PTCHD1: variants seen among roughly 807,000 people sequenced by gnomAD.
The protein encoded by PTCHD1 is patched domain containing 1, also known as patched domain-containing protein 1.
In PTCHD1, 3 loss-of-function variants were observed where a neutral mutation model predicts 34.6. That is an observed-to-expected ratio of 0.09 (90% CI 0.04 to 0.22). PTCHD1 has a LOEUF of 0.22. Ranked by LOEUF, PTCHD1 falls within the 10% of genes least tolerant of loss-of-function variation. PTCHD1 has a pLI of 1.00. For synonymous variants in PTCHD1, 305 were observed against 283.1 expected, an observed-to-expected ratio of 1.08 and a Z score of -0.77; for missense variants, 504 against 685.5, an observed-to-expected ratio of 0.74 and a Z score of 2.96.
chrX:23,342,572 C>A (rs890817262), intron 1 of PTCHD1, among the ~76,000 whole-genome samples: 2 of 109,748 alleles, frequency 1.8e-5, no homozygotes, highest in South Asian at 7.9e-4. Context: ...TAAGAATCAT[C>A]CAGCATAGCT....
At chrX:23,391,064 C>T (rs944359197) in intron 2 of PTCHD1, among the ~76,000 whole-genome samples, 1 of 111,597 alleles carries the variant, frequency 9.0e-6, no homozygotes, top group African/African-American at 3.3e-5. Context: ...GGCCTGGAAA[C>T]ACAGGGACTC....
Position 23,396,304 on chromosome X carries a change from G to C in PTCHD1, c.*2119G>C, listed in dbSNP as rs1018044793. On this transcript the variant is annotated 3_prime_UTR_variant, in exon 3 of 3. Transcript: ENST00000379361. The stretch of plus-strand genomic sequence containing the variant: ...TATACACTCAACTAGAAGATAATAA[G>C]CTTTAATCTGAGGGCAAGTACAGTC... The C allele has an allele frequency of 2.7e-5, 3 of 111,947 alleles. No homozygotes were observed. Among genetic ancestry groups the C allele is most frequent in the Non-Finnish European group, 5.6e-5 (3 of 53,171 alleles). The allele number at this position is 111,947 out of a possible 1,213,427, so 9.2% of individuals were successfully genotyped here. A position where few individuals can be genotyped will look rare whatever the true frequency, so the allele number is the denominator to read the frequency against.
intron 1 of PTCHD1, among the ~76,000 whole-genome samples, chrX:23,339,547 T>C (rs1921254809): frequency 8.9e-6 from 1 of 112,471 alleles, no homozygotes; most frequent in Non-Finnish European, 1.9e-5. Context: ...GCAAACAAGG[T>C]TAATAAAATC....
intron 2 of PTCHD1, among the ~76,000 whole-genome samples, chrX:23,380,507 ATTAATCTTCTCCTTGTCC>A (rs1273967155): frequency 1.8e-5 from 2 of 111,455 alleles, no homozygotes; most frequent in Non-Finnish European, 3.8e-5. Flanking sequence ...TCTAGCAGGT[ATTAATCTTCTCCTTGTCC>A]CAGTGTCTTA....
chrX:23,367,838 C>T (rs1305067291), intron 1 of PTCHD1, among the ~76,000 whole-genome samples: 2 of 111,715 alleles, frequency 1.8e-5, no homozygotes, highest in African/African-American at 6.5e-5. Context: ...CTCAGGTCGG[C>T]TGTGAGGCAT....
Position 23,386,963 on chromosome X carries a change from T to A in PTCHD1, c.1013-5568T>A, listed in dbSNP as rs755729437. The stretch of plus-strand genomic sequence containing the variant: ...CCTGCTAGTGTGGAGAGGTTTAAAA[T>A]GTGAGTAGCACCCAGCGGCATCTCT... On this transcript the variant is annotated intron_variant, in intron 2 of 2. Transcript: ENST00000379361. Among the ~76,000 whole-genome samples, 8 of 112,278 alleles carry A rather than the reference T, an allele frequency of 7.1e-5. No homozygotes were observed. The Admixed American group carries it at 7.6e-4, about 11-fold the overall frequency.
At chrX:23,378,441 C>T (rs753517935) in intron 1 of PTCHD1, among the ~76,000 whole-genome samples, 1 of 112,324 alleles carries the variant, frequency 8.9e-6, no homozygotes, top group Non-Finnish European at 1.9e-5. Context: ...CAGTAGATTA[C>T]ACATACTCGT....
intron 1 of PTCHD1, among the ~76,000 whole-genome samples, chrX:23,355,063 G>C (rs1266396653): frequency 1.8e-5 from 2 of 109,347 alleles, no homozygotes; most frequent in Non-Finnish European, 3.8e-5. Flanking sequence ...CCAGCCAATT[G>C]CTGCGACAGG....
intron 1 of PTCHD1, among the ~76,000 whole-genome samples, chrX:23,337,661 T>TAACA (rs976164817): frequency 2.7e-5 from 3 of 111,545 alleles, no homozygotes; most frequent in African/African-American, 9.8e-5. Context: ...CATTGACAGT[T>TAACA]AACACTACAC....
chrX:23,387,692 C>T (rs996858384), intron 2 of PTCHD1, among the ~76,000 whole-genome samples: 1 of 111,849 alleles, frequency 8.9e-6, no homozygotes, highest in African/African-American at 3.3e-5. Flanking sequence ...AGAGTATTCA[C>T]TCACGAATAA....
intron 1 of PTCHD1, among the ~76,000 whole-genome samples, chrX:23,340,571 C>A (rs1468278675): frequency 1.8e-5 from 2 of 112,472 alleles, no homozygotes; most frequent in African/African-American, 6.5e-5. Flanking sequence ...GAGCAGCGAC[C>A]TGAGGAGGCA....
upstream of PTCHD1, chrX:23,334,780 G>GCGC (rs1555909518): frequency 1.8e-4 from 47 of 266,360 alleles, no homozygotes; most frequent in East Asian, 3.0e-4. Context: ...GCCGCCGCGG[G>GCGC]CGCCGCTGCC....
chrX:23,393,031 G>A lies in PTCHD1; in HGVS notation c.1513G>A (p.Val505Ile). Reference protein sequence around the residue: ...ITNTYVKPFVVLFYLIYISFA... With the variant: ...ITNTYVKPFVILFYLIYISFA... ...CAACACCTATGTCAAGCCTTTTGTA[G>A]TTCTCTTTTACCTTATTTATATTTC... Residue 505 changes from valine to isoleucine, a missense_variant, in exon 3 of 3, where the codon GTT becomes ATT. Coordinates refer to ENST00000379361, the MANE Select transcript of PTCHD1 (RefSeq NM_173495.3). 1 of 1,211,629 alleles carries A rather than the reference G, an allele frequency of 8.3e-7. No individual in the cohort carries two copies. Among genetic ancestry groups the A allele is most frequent in the Non-Finnish European group, 1.1e-6 (1 of 895,360 alleles).
At chrX:23,351,012 A>G (rs1003258115) in intron 1 of PTCHD1, 2 of 329,102 alleles carry the variant, frequency 6.1e-6, no homozygotes, top group Non-Finnish European at 1.1e-5. Flanking sequence ...GGAATCCAGT[A>G]GGCTCTGTCT....
At position 23,404,260 on chromosome X, in the gene PTCHD1, T is replaced by C. The variant is rs756388089; in HGVS notation, c.*10075T>C. The C allele has an allele frequency of 7.9e-4, 89 of 112,549 alleles. 1 individual carries two copies. The highest frequency in any genetic ancestry group is 2.5e-3 in the African/African-American group (79 of 31,038). The allele number at this position is 112,549 out of a possible 1,213,427, so 9.3% of individuals were successfully genotyped here. On this transcript the variant is annotated 3_prime_UTR_variant, in exon 3 of 3. Coordinates refer to ENST00000379361, the MANE Select transcript of PTCHD1 (RefSeq NM_173495.3). ...TCAAATGTATTGCTTTCACCTTTTC[T>C]TTTTTATTCATTTATTTTTAATTGA...
At chrX:23,367,053 G>A (rs1354549636) in intron 1 of PTCHD1, among the ~76,000 whole-genome samples, 1 of 110,968 alleles carries the variant, frequency 9.0e-6, no homozygotes, top group Admixed American at 9.6e-5. Context: ...AACACTCACT[G>A]GACTTTGTGG....
chrX:23,377,841 C>T (rs969768602), intron 1 of PTCHD1, among the ~76,000 whole-genome samples: 5 of 110,977 alleles, frequency 4.5e-5, no homozygotes, highest in Non-Finnish European at 5.7e-5. Flanking sequence ...CAGGCACATG[C>T]GCAGCAAAAT....
At position 23,397,024 on chromosome X, in the gene PTCHD1, T is replaced by C. The variant is rs1923006644; in HGVS notation, c.*2839T>C. 8.9e-6 allele frequency: 1 copy of C among 112,060 alleles called. No individual in the cohort carries two copies. Among genetic ancestry groups the C allele is most frequent in the African/African-American group, 3.2e-5 (1 of 30,848 alleles). The allele number at this position is 112,060 out of a possible 1,213,427, so 9.2% of individuals were successfully genotyped here. The stretch of plus-strand genomic sequence containing the variant: ...CGGAAAAATTGATCCCTGCAAACAC[T>C]TGAAGAAGCTGTGTTTTTTTTCTTT... On this transcript the variant is annotated 3_prime_UTR_variant, in exon 3 of 3. Coordinates refer to ENST00000379361, the MANE Select transcript of PTCHD1 (RefSeq NM_173495.3).
rs1256563178 is a variant in PTCHD1, at chrX:23,402,051, A to G, written c.*7866A>G. Reference sequence around the variant, plus strand: ...GCTTGGTGATCCAGAGAAGGGGGAAAGAAGTGGTGAGGAAGAATATATGGG... The same window carrying G: ...GCTTGGTGATCCAGAGAAGGGGGAAGGAAGTGGTGAGGAAGAATATATGGG... On this transcript the variant is annotated 3_prime_UTR_variant, in exon 3 of 3. Coordinates refer to ENST00000379361, the MANE Select transcript of PTCHD1 (RefSeq NM_173495.3). 8.9e-6 allele frequency: 1 copy of G among 112,241 alleles called. No individual in the cohort carries two copies. The highest frequency in any genetic ancestry group is 3.2e-5 in the African/African-American group (1 of 30,845). 9.2% of individuals were successfully genotyped at this position (112,241 alleles called of 1,213,427 possible).
Sources: gnomAD v4.1 joint callset for allele counts (sites outside exome capture counted in the v4.1 genomes callset) on GRCh38, gnomAD v4.1.1 for gene constraint, MANE v1.5 for transcripts, NCBI Gene and HGNC (gene_info 2026-07-23, HGNC 2026-07-21) for gene names.